TLR6: variants seen among roughly 807,000 people sequenced by gnomAD.
TLR6 encodes the protein toll-like receptor 6.
Under a neutral mutation model 16.1 loss-of-function variants are expected in TLR6, and 9 were observed. That is an observed-to-expected ratio of 0.56 (90% CI 0.34 to 0.98). The LOEUF (loss-of-function observed/expected upper bound fraction) is 0.98, where lower values mean the gene tolerates loss of function less well. Among genes scored for constraint, TLR6 ranks in the 50% least tolerant of loss-of-function variants. The pLI, the probability that TLR6 is intolerant of heterozygous loss-of-function variation, is 0.02. For synonymous variants in TLR6, 340 were observed against 338.6 expected (o/e 1.00, Z -0.04); for missense variants, 786 against 921.0 (o/e 0.85, Z 1.90).
chr4:38,857,461 C>A (rs930164235), upstream of TLR6, among the ~76,000 whole-genome samples: 4 of 151,972 alleles, frequency 2.6e-5, no homozygotes, highest in African/African-American at 9.7e-5. Flanking sequence ...TTCTAAAGAC[C>A]ATTTAGAAGA....
At chr4:38,864,583 G>A in the TLR6 span, among the ~76,000 whole-genome samples, 18 of 152,248 alleles carry the variant, frequency 1.2e-4, no homozygotes, top group African/African-American at 4.1e-4. Context: ...AGAGCTACAT[G>A]TGTGAATATG....
At chr4:38,834,535 G>A (rs2044498090) in intron 1 of TLR6, among the ~76,000 whole-genome samples, 1 of 152,010 alleles carries the variant, frequency 6.6e-6, no homozygotes, top group Non-Finnish European at 1.5e-5. Flanking sequence ...CCAGATACAA[G>A]AAGCTTAAAA....
exon 2 of TLR6, chr4:38,829,343 A>G: frequency 4.3e-6 from 7 of 1,614,176 alleles, no homozygotes; most frequent in Non-Finnish European, 5.9e-6. Context: ...TGGAACATGA[A>G]TAAGACCTCT....
chr4:38,856,186 T>C (rs959584733), intron 1 of TLR6, among the ~76,000 whole-genome samples: 5 of 152,218 alleles, frequency 3.3e-5, no homozygotes, highest in African/African-American at 1.2e-4. Context: ...CTCCATTTAA[T>C]AAATGTTTAT....
downstream of TLR6, among the ~76,000 whole-genome samples, chr4:38,823,147 C>T (rs1322108612): frequency 1.3e-5 from 2 of 152,200 alleles, no homozygotes; most frequent in Admixed American, 6.5e-5. Flanking sequence ...TCCCACAACA[C>T]GTGGGAATTC....
At chr4:38,858,816 AGAGAGAGAGAGAG>A (rs1328048467), upstream of TLR6, among the ~76,000 whole-genome samples, 7 of 114,872 alleles carry the variant, frequency 6.1e-5, 1 homozygote, top group African/African-American at 2.5e-4. Context: ...AGAGAGAGGG[AGAGAGAGAGAGAG>A]AGGAAGAAAG....
At chr4:38,824,808 C>T (rs12645200) in exon 2 of TLR6, 89,212 of 151,866 alleles carry the variant, frequency 0.59, 26,823 homozygotes, top group East Asian at 0.73. Context: ...TTTCTTTTAA[C>T]TTTTTTGAGA....
intron 1 of TLR6, among the ~76,000 whole-genome samples, chr4:38,833,539 G>A (rs1711741381): frequency 6.6e-6 from 1 of 152,256 alleles, no homozygotes; most frequent in South Asian, 2.1e-4. Flanking sequence ...AAAACACCTA[G>A]AGGCAAAAGT....
intron 1 of TLR6, among the ~76,000 whole-genome samples, chr4:38,854,299 A>G (rs1025175051): frequency 2.0e-5 from 3 of 152,240 alleles, no homozygotes; most frequent in Non-Finnish European, 1.5e-5. Context: ...AAGGAGGGGC[A>G]GATTCTATGA....
rs149746952 is a variant in TLR6, at chr4:38,828,793, A to G, written c.681T>C (p.Asn227=). The G allele has an allele frequency of 1.5e-4, 248 of 1,613,936 alleles. No homozygotes were observed. In the African/African-American group the frequency reaches 3.0e-3, roughly 19 times the overall value. Residue 227 remains asparagine (N), a synonymous_variant, in exon 2 of 2, where the codon AAT becomes AAC. Transcript: ENST00000436693. ...GACAGTTGTCATCATTCAATTTAAT[A>G]TTAGTCAGTTGTAAGCACCCTAAAG...
At chr4:38,848,005 C>G (rs1343644032) in intron 1 of TLR6, among the ~76,000 whole-genome samples, 1 of 152,198 alleles carries the variant, frequency 6.6e-6, no homozygotes, top group Non-Finnish European at 1.5e-5. Flanking sequence ...TCCCTGACCC[C>G]CATGTAGCCT....
At chr4:38,841,289 T>C (rs1712249133) in intron 1 of TLR6, among the ~76,000 whole-genome samples, 1 of 152,216 alleles carries the variant, frequency 6.6e-6, no homozygotes, top group Non-Finnish European at 1.5e-5. Flanking sequence ...TGTGTGTGTA[T>C]GTGAAAACAC....
At chr4:38,839,300 G>A (rs2109441165) in intron 1 of TLR6, among the ~76,000 whole-genome samples, 1 of 139,352 alleles carries the variant, frequency 7.2e-6, no homozygotes. Flanking sequence ...AAAGTCTATT[G>A]ATTTTTTTTT....
At chr4:38,839,869 G>T (rs1452257670) in intron 1 of TLR6, among the ~76,000 whole-genome samples, 1 of 152,248 alleles carries the variant, frequency 6.6e-6, no homozygotes, top group Non-Finnish European at 1.5e-5. Flanking sequence ...AGTTGAGCCT[G>T]AGAAACCTCC....
chr4:38,827,685 C>T (rs1483581052), exon 2 of TLR6: 2 of 1,614,236 alleles, frequency 1.2e-6, no homozygotes, highest in Non-Finnish European at 1.7e-6. Flanking sequence ...ACAGCCAACA[C>T]CAGCATGGTG....
rs139293748 is a variant in TLR6 at position 38,836,850 on chromosome 4, G to A, written c.-64-7313C>T. ...AGCTACTCAGGAGGCCGAGGCATGAGAATCACTTGAACCTGGGAGGCAGAG... is the reference window on the plus strand; with the variant it reads ...AGCTACTCAGGAGGCCGAGGCATGAAAATCACTTGAACCTGGGAGGCAGAG... On this transcript the variant is annotated intron_variant, in intron 1 of 1. Transcript: ENST00000436693. Among the ~76,000 whole-genome samples, 1,245 of 151,304 alleles carry A rather than the reference G, an allele frequency of 8.2e-3. 21 individuals carry two copies. Among genetic ancestry groups the A allele is most frequent in the African/African-American group, 0.028 (1,157 of 41,144 alleles).
At chr4:38,824,272 G>C (rs1727445405) in exon 2 of TLR6, 1 of 152,260 alleles carries the variant, frequency 6.6e-6, no homozygotes. Flanking sequence ...CTTTTTCCTG[G>C]AGCTTAGACT....
chr4:38,853,204 G>T (rs1206134588), intron 1 of TLR6, among the ~76,000 whole-genome samples: 1 of 139,438 alleles, frequency 7.2e-6, no homozygotes, highest in East Asian at 2.2e-4. Context: ...CACAGGAAAG[G>T]GAACATAACA....
chr4:38,824,410 A>G (rs778727707), exon 2 of TLR6: 1 of 152,232 alleles, frequency 6.6e-6, no homozygotes, highest in African/African-American at 2.4e-5. Flanking sequence ...CCTACTTTCC[A>G]CTGGGATGCA....
Sources: allele counts gnomAD v4.1 joint callset (sites outside exome capture counted in the v4.1 genomes callset), GRCh38; gene constraint gnomAD v4.1.1; transcripts MANE v1.5; gene names NCBI Gene and HGNC (gene_info 2026-07-23, HGNC 2026-07-21).